Variants in OPA1 observed in about 807,000 individuals in gnomAD.
OPA1 encodes OPA1 mitochondrial dynamin like GTPase.
Under a neutral mutation model 152.9 loss-of-function variants are expected in OPA1, and 59 were observed. The observed-to-expected ratio is 0.39, with a 90% CI of 0.31 to 0.48. The LOEUF is 0.48. Ranked by LOEUF, OPA1 falls within the 20% of genes least tolerant of loss-of-function variation. OPA1 has a pLI of 0.96. For missense variants in OPA1, 1,008 were observed against 1,216.8 expected (o/e 0.83, Z 2.55); for synonymous variants, 400 against 389.9 (o/e 1.03, Z -0.31).
At chr3:193,605,044 G>C (rs13086245) in intron 1 of OPA1, among the ~76,000 whole-genome samples, 143 of 152,200 alleles carry the variant, frequency 9.4e-4, no homozygotes, top group Admixed American at 3.1e-3. Context: ...GGAAACTGTA[G>C]TGTCATTAAC....
chr3:193,604,685 A>C (rs1446589361), intron 1 of OPA1, among the ~76,000 whole-genome samples: 2 of 151,552 alleles, frequency 1.3e-5, no homozygotes, highest in Non-Finnish European at 2.9e-5. Flanking sequence ...ACATGGAGAA[A>C]CCCTGTCTCT....
chr3:193,693,442 C>A lies in OPA1; in HGVS notation c.*6-1164C>A, dbSNP rs575461853. 4.6e-5 allele frequency among the ~76,000 whole-genome samples: 7 copies of A among 152,232 alleles called. No individual in the cohort carries two copies. The East Asian group carries it at 1.4e-3, about 29-fold the overall frequency. On this transcript the variant is annotated intron_variant, in intron 30 of 30. Coordinates refer to ENST00000361510, the MANE Select transcript of OPA1 (RefSeq NM_130837.3). ...ATCACTTGAGGTCAGGAGTTGGAGA[C>A]CAGCCTGACCAACATGGTGAAACCC...
At chr3:193,685,380 C>T (rs1470360284) in intron 29 of OPA1, among the ~76,000 whole-genome samples, 1 of 151,748 alleles carries the variant, frequency 6.6e-6, no homozygotes, top group Non-Finnish European at 1.5e-5. Context: ...TTGTAATTTA[C>T]CTCACAGACT....
At chr3:193,604,305 T>G (rs1167824251) in intron 1 of OPA1, among the ~76,000 whole-genome samples, 2 of 152,178 alleles carry the variant, frequency 1.3e-5, no homozygotes, top group Non-Finnish European at 2.9e-5. Flanking sequence ...AAGGCCAACT[T>G]CATTTGGCTA....
At chr3:193,632,711 T>A (rs7650613) in intron 8 of OPA1, among the ~76,000 whole-genome samples, 74,988 of 151,180 alleles carry the variant, frequency 0.5, 18,962 homozygotes, top group African/African-American at 0.56. Flanking sequence ...TCTATAAAAA[T>A]TTTTTTAAAA....
intron 29 of OPA1, among the ~76,000 whole-genome samples, chr3:193,689,644 T>G (rs1721404532): frequency 6.6e-6 from 1 of 152,068 alleles, no homozygotes; most frequent in Non-Finnish European, 1.5e-5. Flanking sequence ...TTGTAGGGAG[T>G]GAGGCTGCTG....
intron 24 of OPA1, 68 bp downstream of exon 24, chr3:193,659,063 A>G (rs1320525594): frequency 1.0e-6 from 1 of 1,000,894 alleles, no homozygotes; most frequent in African/African-American, 1.6e-5. Flanking sequence ...ACTTTAGTGA[A>G]CATTTGTAGA....
rs1729170377 is a variant in OPA1 at position 193,617,228 on chromosome 3, C to T, written c.499C>T (p.Pro167Ser). ...TTCAGAAGACCTTGTAAAGTTAGCACCAGACTTTGACAAGATTGTTGAAAG... is the reference window on the plus strand; with the variant it reads ...TTCAGAAGACCTTGTAAAGTTAGCATCAGACTTTGACAAGATTGTTGAAAG... ...PSSEDLVKLA[P>S]DFDKIVESLS... The change falls in exon 4 of 31, where the codon CCA becomes TCA. Residue 167 changes from proline to serine, a missense_variant. Pro to Ser is a moderately conservative substitution (Grantham distance 74). This residue lies in a region of OPA1 where 408 missense variants were observed against 395.1 expected (regional missense o/e 1.03). Transcript: ENST00000361510. The T allele has an allele frequency of 1.2e-6, 2 of 1,613,208 alleles. No homozygotes were observed. The highest frequency in any genetic ancestry group is 1.7e-4 in the Middle Eastern group (1 of 6,060).
chr3:193,632,623 CTT>C (rs1465311432), intron 8 of OPA1, among the ~76,000 whole-genome samples: 1 of 152,134 alleles, frequency 6.6e-6, no homozygotes, highest in African/African-American at 2.4e-5. Context: ...AATCCCAGCA[CTT>C]TGAGAGGCTG....
At chr3:193,634,253 C>T (rs78365810) in intron 8 of OPA1, among the ~76,000 whole-genome samples, 4,603 of 148,940 alleles carry the variant, frequency 0.031, 65 homozygotes, top group African/African-American at 0.037. Context: ...TTATTTGAGA[C>T]GGAAAATGTG....
intron 29 of OPA1, among the ~76,000 whole-genome samples, chr3:193,678,735 C>A (rs1303794385): frequency 1.3e-5 from 2 of 152,154 alleles, no homozygotes; most frequent in Admixed American, 1.3e-4. Context: ...AAATCACTCT[C>A]CTTTGAACAG....
At chr3:193,653,021 G>T (rs980978322) in intron 21 of OPA1, among the ~76,000 whole-genome samples, 5 of 152,198 alleles carry the variant, frequency 3.3e-5, no homozygotes, top group Admixed American at 2.6e-4. Flanking sequence ...CTGGAGGTCA[G>T]AGGCTGGATC....
intron 29 of OPA1, among the ~76,000 whole-genome samples, chr3:193,667,859 A>C (rs1179250768): frequency 6.6e-6 from 1 of 151,936 alleles, no homozygotes; most frequent in Non-Finnish European, 1.5e-5. Flanking sequence ...TTCAAGTTTC[A>C]CCCGTTGTCC....
intron 29 of OPA1, among the ~76,000 whole-genome samples, chr3:193,691,190 C>T (rs1721629352): frequency 6.6e-6 from 1 of 152,184 alleles, no homozygotes; most frequent in African/African-American, 2.4e-5. Flanking sequence ...CACTGCACGC[C>T]AACCTGGGCG....
Position 193,617,299 on chromosome 3 carries a change from T to A in OPA1, c.556+14T>A. On this transcript the variant is annotated intron_variant, in intron 4 of 30. Transcript: ENST00000361510. ...TTTTTACCTCAGGTAAGGAAGAAGC[T>A]GTTTGATCTAATTTAAAAATTTAAG... 2 of 1,467,470 alleles carry A rather than the reference T, an allele frequency of 1.4e-6. No homozygotes were observed. The highest frequency in any genetic ancestry group is 1.9e-6 in the Non-Finnish European group (2 of 1,048,704). 90.9% of individuals were successfully genotyped at this position (1,467,470 alleles called of 1,614,324 possible).
intron 25 of OPA1, 75 bp from the exon 26 acceptor site, chr3:193,662,747 A>G: frequency 8.3e-7 from 1 of 1,201,396 alleles, no homozygotes; most frequent in East Asian, 2.5e-5. Context: ...TAATGTATTT[A>G]TTAAAATTGA....
At chr3:193,623,202 G>A (rs573425867) in intron 6 of OPA1, among the ~76,000 whole-genome samples, 1 of 151,984 alleles carries the variant, frequency 6.6e-6, no homozygotes, top group African/African-American at 2.4e-5. Flanking sequence ...TTTTTGTAAG[G>A]CCAATAACTC....
rs142257043 is a variant in OPA1 at position 193,596,292 on chromosome 3, C to G, written c.32+2883C>G. On this transcript the variant is annotated intron_variant, in intron 1 of 30. Coordinates refer to ENST00000361510, the MANE Select transcript of OPA1 (RefSeq NM_130837.3). ...TTGATTTTTTTAATATTGGCCATCGCAACTTTTCTTTTCTTTTCCTTTCCT... is the reference window on the plus strand; with the variant it reads ...TTGATTTTTTTAATATTGGCCATCGGAACTTTTCTTTTCTTTTCCTTTCCT... 4.3e-3 allele frequency among the ~76,000 whole-genome samples: 279 copies of G among 65,114 alleles called. 7 individuals carry two copies. In the East Asian group the frequency reaches 0.13, roughly 30 times the overall value. 42.7% of individuals were successfully genotyped at this position (65,114 alleles called of 152,430 possible).
chr3:193,676,771 G>A (rs1719086494), intron 29 of OPA1, among the ~76,000 whole-genome samples: 3 of 152,218 alleles, frequency 2.0e-5, no homozygotes, highest in South Asian at 4.2e-4. Flanking sequence ...ACAAGGTCAG[G>A]AGATCCAGAC....
Sources: gnomAD v4.1 joint callset for allele counts (sites outside exome capture counted in the v4.1 genomes callset) on GRCh38, gnomAD v4.1.1 for gene constraint, gnomAD v4.1.1 regional missense constraint, MANE v1.5 for transcripts, NCBI Gene and HGNC (gene_info 2026-07-23, HGNC 2026-07-21) for gene names.